ASRGL1: variants seen among roughly 807,000 people sequenced by gnomAD.
ASRGL1 encodes isoaspartyl peptidase/L-asparaginase.
Under a neutral mutation model 22.4 loss-of-function variants are expected in ASRGL1, and 16 were observed. That is an observed-to-expected ratio of 0.71 (90% CI 0.48 to 1.08). The LOEUF (loss-of-function observed/expected upper bound fraction) is 1.08, where lower values mean the gene tolerates loss of function less well. Ranked by LOEUF, ASRGL1 falls within the 50% of genes least tolerant of loss-of-function variation. The pLI is 0.00. For missense variants in ASRGL1, 412 were observed against 410.1 expected (o/e 1.00, Z -0.04); for synonymous variants, 165 against 159.3 (o/e 1.04, Z -0.27).
rs1179205810 is a variant in ASRGL1, at chr11:62,392,729, G to T, written c.*445G>T. The T allele has an allele frequency of 1.0e-5, 2 of 190,692 alleles. No individual in the cohort carries two copies. Among genetic ancestry groups the T allele is most frequent in the Admixed American group, 1.1e-4 (2 of 18,590 alleles). The allele number at this position is 190,692 out of a possible 1,614,324, so 11.8% of individuals were successfully genotyped here. A position where few individuals can be genotyped will look rare whatever the true frequency, so the allele number is the denominator to read the frequency against. On this transcript the variant is annotated 3_prime_UTR_variant, in exon 7 of 7. Transcript: ENST00000415229. Reference sequence around the variant, plus strand: ...GCTGTTTGAAAGTGACACAGCAGCAGTAGAAGCAGTGGTGGGCGAAGCCCA... The same window carrying T: ...GCTGTTTGAAAGTGACACAGCAGCATTAGAAGCAGTGGTGGGCGAAGCCCA...
At chr11:62,366,265 A>G (rs1166963902) in intron 4 of ASRGL1, among the ~76,000 whole-genome samples, 1 of 149,882 alleles carries the variant, frequency 6.7e-6, no homozygotes, top group Non-Finnish European at 1.5e-5. Flanking sequence ...GTCTCAAAAA[A>G]AAAAAAAAAA....
At chr11:62,397,435 G>A (rs889473540), downstream of ASRGL1, among the ~76,000 whole-genome samples, 1 of 152,124 alleles carries the variant, frequency 6.6e-6, no homozygotes, top group African/African-American at 2.4e-5. Flanking sequence ...GGAGGCTGAA[G>A]CGGGCAGATC....
chr11:62,356,492 T>C (rs1443323611), intron 3 of ASRGL1, 25 bp downstream of exon 3: 3 of 1,611,820 alleles, frequency 1.9e-6, no homozygotes, highest in Non-Finnish European at 2.5e-6. Context: ...AGCAGCCTTT[T>C]CCTAATGAAT....
chr11:62,390,878 C>T (rs1947320064), intron 5 of ASRGL1, among the ~76,000 whole-genome samples: 1 of 152,184 alleles, frequency 6.6e-6, no homozygotes, highest in Non-Finnish European at 1.5e-5. Context: ...CTAAAGGACT[C>T]TGAGGCTGGT....
At chr11:62,365,154 G>T (rs116996749) in intron 4 of ASRGL1, among the ~76,000 whole-genome samples, 2 of 152,110 alleles carry the variant, frequency 1.3e-5, no homozygotes, top group Non-Finnish European at 2.9e-5. Flanking sequence ...ATGGGAAGGT[G>T]TAAGCCAGAG....
intron 4 of ASRGL1, among the ~76,000 whole-genome samples, chr11:62,380,815 C>T (rs866680993): frequency 2.0e-5 from 3 of 152,224 alleles, no homozygotes; most frequent in Middle Eastern, 3.4e-3. Flanking sequence ...GGTAGGCGCT[C>T]CTTCTTGGGC....
At chr11:62,372,514 G>C (rs1946800664) in intron 4 of ASRGL1, 1 of 1,083,520 alleles carries the variant, frequency 9.2e-7, no homozygotes, top group Admixed American at 1.7e-5. Context: ...ACAGCAGATA[G>C]AGTATGACTG....
intron 4 of ASRGL1, among the ~76,000 whole-genome samples, chr11:62,377,418 A>G (rs902048112): frequency 7.9e-5 from 12 of 152,162 alleles, no homozygotes; most frequent in Non-Finnish European, 1.5e-4. Context: ...GTTGATTAAA[A>G]TCTTGTAACA....
At chr11:62,347,623 T>G (rs1009498084) in intron 2 of ASRGL1, among the ~76,000 whole-genome samples, 30 of 131,758 alleles carry the variant, frequency 2.3e-4, no homozygotes, top group African/African-American at 7.4e-4. Context: ...TTGAAAATAT[T>G]TGGGGAAAAA....
At chr11:62,354,068 A>G (rs1005760874) in intron 2 of ASRGL1, among the ~76,000 whole-genome samples, 2 of 152,356 alleles carry the variant, frequency 1.3e-5, no homozygotes, top group African/African-American at 4.8e-5. Flanking sequence ...TTGCCTACAC[A>G]TGCTAGACAT....
At chr11:62,394,050 ATATC>A (rs1388200701), downstream of ASRGL1, among the ~76,000 whole-genome samples, 1 of 144,284 alleles carries the variant, frequency 6.9e-6, no homozygotes, top group Non-Finnish European at 1.5e-5. Flanking sequence ...AAGTTACAAT[ATATC>A]TAATATGGTA....
chr11:62,400,803 A>G, the ASRGL1 span, among the ~76,000 whole-genome samples: 1 of 152,162 alleles, frequency 6.6e-6, no homozygotes, highest in Non-Finnish European at 1.5e-5. Flanking sequence ...CTTCCTCAGC[A>G]CCAAGCTGGG....
Position 62,391,529 on chromosome 11 carries a change from AG to A in ASRGL1, c.620del (p.Gly207ValfsTer20). ...ATCACCCTTTTTGAGCAGGAGCTGG[AG>A]GTTATGCCGACAATGACATCGGAGC... ...VGDSPCLGAGGYADNDIGAVS... is the reference protein window; with the variant it reads ...VGDSPCLGAGXYADNDIGAVS... On this transcript the variant is annotated frameshift_variant, in exon 6 of 7. Coordinates refer to ENST00000415229, the MANE Select transcript of ASRGL1 (RefSeq NM_001083926.2). LOFTEE classifies it high-confidence loss of function. 6.2e-7 allele frequency: 1 copy of A among 1,610,960 alleles called. No individual in the cohort carries two copies. The highest frequency in any genetic ancestry group is 8.5e-7 in the Non-Finnish European group (1 of 1,178,544).
rs1590696273 is a variant in ASRGL1 at position 62,337,944 on chromosome 11, G to A, written c.-34G>A. On this transcript the variant is annotated 5_prime_UTR_variant, in exon 2 of 7. Transcript: ENST00000415229. ...CTTCCTTGGGCTGGCTTTGGACGAC[G>A]CTTTCGCCTTCCTGCTGCCTAGGAT... 1.3e-6 allele frequency: 2 copies of A among 1,563,506 alleles called. No homozygotes were observed. Among genetic ancestry groups the A allele is most frequent in the Non-Finnish European group, 1.7e-6 (2 of 1,154,884 alleles).
intron 4 of ASRGL1, among the ~76,000 whole-genome samples, chr11:62,385,845 C>T (rs902626982): frequency 2.6e-5 from 4 of 151,984 alleles, no homozygotes; most frequent in African/African-American, 9.7e-5. Context: ...GCATGGGCAA[C>T]AAGAGCAAAA....
chr11:62,382,090 C>G (rs1320170988), intron 4 of ASRGL1: 2 of 152,354 alleles, frequency 1.3e-5, no homozygotes, highest in East Asian at 3.9e-4. Context: ...AGATCGAGAC[C>G]ATCCTGGCTA....
chr11:62,375,963 G>A (rs191134328), intron 4 of ASRGL1, among the ~76,000 whole-genome samples: 27 of 152,006 alleles, frequency 1.8e-4, no homozygotes, highest in African/African-American at 5.8e-4. Context: ...TTAGCTGGGC[G>A]TGGTGGCACG....
chr11:62,397,090 C>T (rs1474927873), downstream of ASRGL1, among the ~76,000 whole-genome samples: 2 of 152,096 alleles, frequency 1.3e-5, no homozygotes, highest in Non-Finnish European at 2.9e-5. Flanking sequence ...AGTGCAGTGG[C>T]GCGATCTTGG....
intron 2 of ASRGL1, among the ~76,000 whole-genome samples, chr11:62,345,494 C>T (rs1945994190): frequency 6.6e-6 from 1 of 152,110 alleles, no homozygotes; most frequent in African/African-American, 2.4e-5. Flanking sequence ...GCCTTGAACT[C>T]CTGACCTCAA....
Sources: gnomAD v4.1 joint callset for allele counts (sites outside exome capture counted in the v4.1 genomes callset) on GRCh38, gnomAD v4.1.1 for gene constraint, MANE v1.5 for transcripts, NCBI Gene and HGNC (gene_info 2026-07-23, HGNC 2026-07-21) for gene names.